FRMPD4: variants seen among roughly 807,000 people sequenced by gnomAD.
The protein encoded by FRMPD4 is FERM and PDZ domain-containing protein 4.
Under a neutral mutation model 94.1 loss-of-function variants are expected in FRMPD4, and 22 were observed. The observed-to-expected ratio is 0.23, with a 90% confidence interval of 0.17 to 0.33. FRMPD4 has a LOEUF of 0.33. Among genes scored for constraint, FRMPD4 ranks in the 10% least tolerant of loss-of-function variants. The pLI is 1.00. For synonymous variants in FRMPD4, 631 were observed against 548.6 expected (o/e 1.15, Z -2.10); for missense variants, 1,111 against 1,339.9 (o/e 0.83, Z 2.67).
chrX:11,925,079 A>G (rs138108399), intron 3 of FRMPD4, among the ~76,000 whole-genome samples: 314 of 110,774 alleles, frequency 2.8e-3, no homozygotes, highest in Non-Finnish European at 4.1e-3. Context: ...ATGGAAAACA[A>G]AAAAAGCAGG....
At chrX:11,908,898 A>G (rs529007067) in intron 3 of FRMPD4, among the ~76,000 whole-genome samples, 11 of 112,287 alleles carry the variant, frequency 9.8e-5, no homozygotes, top group African/African-American at 3.2e-4. Context: ...TTGCATTTCT[A>G]GAATAAACCC....
chrX:12,345,482 G>A (rs2055691541), intron 1 of FRMPD4, among the ~76,000 whole-genome samples: 1 of 111,974 alleles, frequency 8.9e-6, no homozygotes, highest in Non-Finnish European at 1.9e-5. Context: ...AGCCCAGGTG[G>A]TACTGGGCTT....
At chrX:12,069,100 G>C (rs2054945016) in intron 3 of FRMPD4, among the ~76,000 whole-genome samples, 2 of 111,858 alleles carry the variant, frequency 1.8e-5, no homozygotes, top group Non-Finnish European at 3.8e-5. Flanking sequence ...TAACATTTGA[G>C]TGGAACTGGA....
intron 1 of FRMPD4, among the ~76,000 whole-genome samples, chrX:12,400,508 A>G (rs1401665967): frequency 1.8e-5 from 2 of 112,055 alleles, no homozygotes; most frequent in East Asian, 5.6e-4. Flanking sequence ...TAGGAAAATC[A>G]CATTAACAAT....
intron 3 of FRMPD4, among the ~76,000 whole-genome samples, chrX:12,071,876 GCAC>G (rs2054971488): frequency 8.9e-6 from 1 of 111,758 alleles, no homozygotes; most frequent in South Asian, 3.8e-4. Context: ...ACAAGGAAAT[GCAC>G]TTCCATGAAC....
intron 3 of FRMPD4, among the ~76,000 whole-genome samples, chrX:12,012,529 G>C (rs972136358): frequency 5.4e-5 from 6 of 111,420 alleles, no homozygotes; most frequent in African/African-American, 1.6e-4. Flanking sequence ...CTCTTAGCTC[G>C]TTATGGTACT....
chrX:12,135,942 A>G (rs762776966), upstream of FRMPD4, among the ~76,000 whole-genome samples: 56 of 111,703 alleles, frequency 5.0e-4, no homozygotes, highest in African/African-American at 1.8e-3. Context: ...GAGATGAGGG[A>G]ACGTGTCGGT....
At chrX:12,463,681 G>GTTTTTTT (rs764684007) in intron 1 of FRMPD4, among the ~76,000 whole-genome samples, 932 of 50,965 alleles carry the variant, frequency 0.018, 137 homozygotes, top group Non-Finnish European at 0.022. Context: ...CTATGTGTGT[G>GTTTTTTT]TTTTTTTTTT....
intron 3 of FRMPD4, among the ~76,000 whole-genome samples, chrX:12,112,757 C>G (rs968847157): frequency 9.0e-6 from 1 of 110,643 alleles, no homozygotes; most frequent in Non-Finnish European, 1.9e-5. Context: ...CCAGTGGTAG[C>G]TATGATTATT....
chrX:11,858,439 A>G (rs2053665660), intron 1 of FRMPD4, among the ~76,000 whole-genome samples: 1 of 111,415 alleles, frequency 9.0e-6, no homozygotes, highest in Admixed American at 9.5e-5. Context: ...ATCCTTAGCA[A>G]ACTAACACAG....
intron 2 of FRMPD4, among the ~76,000 whole-genome samples, chrX:12,587,324 G>A (rs1172096277): frequency 1.1e-4 from 12 of 111,673 alleles, no homozygotes; most frequent in Non-Finnish European, 3.8e-5. Context: ...AAAATTTACT[G>A]CTAGTTACAT....
At chrX:12,199,754 A>C (rs970390400) in intron 1 of FRMPD4, among the ~76,000 whole-genome samples, 7 of 112,075 alleles carry the variant, frequency 6.2e-5, no homozygotes, top group African/African-American at 2.3e-4. Context: ...TAATTTATTC[A>C]GAGCTCGCTG....
chrX:12,322,882 G>T (rs1489351406), intron 1 of FRMPD4, among the ~76,000 whole-genome samples: 2 of 111,019 alleles, frequency 1.8e-5, no homozygotes, highest in East Asian at 5.6e-4. Flanking sequence ...ATTAACATTA[G>T]TTATATATTA....
chrX:11,962,693 C>G (rs2054289770), intron 3 of FRMPD4, among the ~76,000 whole-genome samples: 1 of 111,528 alleles, frequency 9.0e-6, no homozygotes, highest in African/African-American at 3.3e-5. Context: ...GTTCTGTTGT[C>G]TTCCTCCTGA....
chrX:12,344,929 A>G (rs949709712), intron 1 of FRMPD4, among the ~76,000 whole-genome samples: 2 of 112,329 alleles, frequency 1.8e-5, no homozygotes, highest in Non-Finnish European at 3.8e-5. Context: ...CAGGAAAAAA[A>G]TCGTAATCAA....
intron 3 of FRMPD4, among the ~76,000 whole-genome samples, chrX:11,882,330 G>T (rs1179798987): frequency 1.8e-5 from 2 of 111,251 alleles, no homozygotes; most frequent in African/African-American, 6.6e-5. Context: ...AGTGAGGTGT[G>T]AGTTGGGAAC....
intron 1 of FRMPD4, among the ~76,000 whole-genome samples, chrX:12,208,914 A>G (rs1456759338): frequency 3.6e-5 from 4 of 111,997 alleles, no homozygotes; most frequent in African/African-American, 1.3e-4. Context: ...TACAACAACA[A>G]TTATAAATTA....
At chrX:12,319,227 C>A (rs753138971) in intron 1 of FRMPD4, among the ~76,000 whole-genome samples, 17 of 111,890 alleles carry the variant, frequency 1.5e-4, no homozygotes, top group Non-Finnish European at 2.3e-4. Flanking sequence ...GACTGCCAAC[C>A]CTTGGTCTAG....
chrX:12,442,172 T>C (rs1005855680), intron 1 of FRMPD4, among the ~76,000 whole-genome samples: 44 of 44,700 alleles, frequency 9.8e-4, no homozygotes, highest in African/African-American at 3.0e-4. Flanking sequence ...TAAATATGAA[T>C]GATAAAATAT....
Sources: allele counts gnomAD v4.1 joint callset (sites outside exome capture counted in the v4.1 genomes callset), GRCh38; gene constraint gnomAD v4.1.1; transcripts MANE v1.5; gene names NCBI Gene and HGNC (gene_info 2026-07-23, HGNC 2026-07-21).